The following CC2D2B variants were observed in gnomAD, a reference collection of about 807,000 sequenced individuals.
The protein encoded by CC2D2B is coiled-coil and C2 domain containing 2B.
A neutral mutation model predicts 161.2 loss-of-function variants in CC2D2B; 128 were observed. That is an observed-to-expected ratio of 0.79 (90% CI 0.69 to 0.92). The LOEUF (loss-of-function observed/expected upper bound fraction) is 0.92. CC2D2B is among the 40% of genes least tolerant of loss of function. The probability of loss-of-function intolerance (pLI) is 0.00; values close to 1 mark genes in which losing one functional copy is unlikely to be tolerated. For synonymous variants in CC2D2B, 391 were observed against 449.8 expected (o/e 0.87, Z 1.65); for missense variants, 1,173 against 1,375.1 (o/e 0.85, Z 2.32).
At position 96,012,605 on chromosome 10, in the gene CC2D2B, G is replaced by A. The variant is rs373755580; in HGVS notation, c.3302G>A (p.Arg1101Gln). The A allele has an allele frequency of 2.5e-5, 41 of 1,612,650 alleles. No homozygotes were observed. In the African/African-American group the frequency reaches 2.7e-4, roughly 11 times the overall value. Residue 1101 changes from arginine to glutamine, a missense_variant, in exon 28 of 35, where the codon CGA (arginine) becomes CAA (glutamine). Physicochemically the swap from Arg to Gln is conservative, Grantham distance 43. Around this residue, in one of 3 missense-constraint regions of CC2D2B, gnomAD observed 598 missense variants for 693.2 expected, o/e 0.86. Coordinates refer to ENST00000646931, the MANE Select transcript of CC2D2B (RefSeq NM_001349008.3). ...KKNCKAMFPN[R>Q]RIVTTVFNDE... is the part of the protein sequence containing the mutation. ...AATTGTAAGGCAATGTTTCCCAACC[G>A]AAGAATCGTAACTACTGTTTTTAAT...
At chr10:95,969,659 T>G (rs1461502601) in intron 15 of CC2D2B, among the ~76,000 whole-genome samples, 1 of 152,178 alleles carries the variant, frequency 6.6e-6, no homozygotes, top group Non-Finnish European at 1.5e-5. Flanking sequence ...AGATGTTCTA[T>G]TCATTATTCA....
intron 10 of CC2D2B, among the ~76,000 whole-genome samples, chr10:95,952,979 A>G (rs1046218650): frequency 1.1e-4 from 17 of 152,086 alleles, no homozygotes; most frequent in African/African-American, 4.1e-4. Context: ...TGTTTTTCCA[A>G]TTTGAATTTC....
chr10:95,923,212 G>T (rs1014593208), intron 3 of CC2D2B, among the ~76,000 whole-genome samples: 6 of 152,106 alleles, frequency 3.9e-5, no homozygotes, highest in Non-Finnish European at 7.4e-5. Flanking sequence ...AAAGTGCTGG[G>T]ATTACAGGCG....
In CC2D2B at chr10:96,008,313, T is replaced by C. The variant is rs148526397; in HGVS notation, c.2947-1512T>C. 6.0e-4 allele frequency among the ~76,000 whole-genome samples: 92 copies of C among 152,258 alleles called. 2 individuals are homozygous for C. In the East Asian group the frequency reaches 0.016, roughly 26 times the overall value. Reference sequence around the variant, plus strand: ...AAACATGCATTTCATTGCTTGTTTATATATTCACCTGTTGATGGACATTTA... The same window carrying C: ...AAACATGCATTTCATTGCTTGTTTACATATTCACCTGTTGATGGACATTTA... On this transcript the variant is annotated intron_variant, in intron 25 of 34. Transcript: ENST00000646931.
chr10:96,012,404 C>A, intron 27 of CC2D2B, 37 bp downstream of exon 27: 1 of 699,754 alleles, frequency 1.4e-6, no homozygotes, highest in Non-Finnish European at 2.5e-6. Context: ...TATATACCAT[C>A]AAAGAGGTAT....
chr10:95,992,925 G>C (rs990236185), intron 22 of CC2D2B: 1 of 320,550 alleles, frequency 3.1e-6, no homozygotes, highest in Admixed American at 4.9e-5. Context: ...TGTATATTTT[G>C]AGGGTATTGG....
chr10:95,976,183 C>G (rs1309761837), intron 17 of CC2D2B, among the ~76,000 whole-genome samples: 1 of 152,148 alleles, frequency 6.6e-6, no homozygotes, highest in Non-Finnish European at 1.5e-5. Context: ...AATCCTGAAG[C>G]CCATTTTGGC....
chr10:95,946,140 T>G (rs900294927), intron 9 of CC2D2B, among the ~76,000 whole-genome samples: 5 of 152,240 alleles, frequency 3.3e-5, no homozygotes, highest in Non-Finnish European at 7.3e-5. Context: ...AGGTCACTTC[T>G]ACTTATTTGA....
chr10:95,908,326 T>C (rs2098499749), intron 1 of CC2D2B, among the ~76,000 whole-genome samples: 1 of 152,220 alleles, frequency 6.6e-6, no homozygotes, highest in Admixed American at 6.5e-5. Context: ...GTGCCTACTG[T>C]GTGTGCTGAA....
At chr10:95,913,168 T>C (rs943408325) in intron 2 of CC2D2B, among the ~76,000 whole-genome samples, 1 of 151,856 alleles carries the variant, frequency 6.6e-6, no homozygotes. Context: ...TGAGTTCAAT[T>C]GTTTTAATTT....
intron 26 of CC2D2B, among the ~76,000 whole-genome samples, chr10:96,010,860 G>A (rs1364877327): frequency 6.6e-6 from 1 of 152,054 alleles, no homozygotes; most frequent in African/African-American, 2.4e-5. Context: ...GTTTCTTCCT[G>A]CCTATGTGTC....
At chr10:95,988,186 G>T in intron 19 of CC2D2B, 64 bp from the exon 20 acceptor site, 1 of 537,202 alleles carries the variant, frequency 1.9e-6, no homozygotes, top group Non-Finnish European at 2.8e-6. Flanking sequence ...GATATTTATT[G>T]CAATGTGTCA....
At chr10:95,960,428 A>C (rs1290541798) in intron 11 of CC2D2B, among the ~76,000 whole-genome samples, 1 of 152,204 alleles carries the variant, frequency 6.6e-6, no homozygotes, top group African/African-American at 2.4e-5. Flanking sequence ...AAAAGCATGA[A>C]GAGATATAAG....
At chr10:95,973,625 CA>C (rs1315426585) in intron 16 of CC2D2B, among the ~76,000 whole-genome samples, 1 of 151,882 alleles carries the variant, frequency 6.6e-6, no homozygotes, top group Non-Finnish European at 1.5e-5. Context: ...TTGGGAGGCC[CA>C]GGCAGGTGGA....
intron 30 of CC2D2B, chr10:96,018,713 T>G (rs1564676201): frequency 6.7e-6 from 1 of 149,266 alleles, no homozygotes; most frequent in South Asian, 2.1e-4. Context: ...TCTGGAGCTT[T>G]GGTTTGTTTT....
Position 95,957,460 on chromosome 10 carries a change from A to G in CC2D2B, c.1109+1969A>G, listed in dbSNP as rs184360898. Among the ~76,000 whole-genome samples, 558 of 152,128 alleles carry G rather than the reference A, an allele frequency of 3.7e-3. 3 individuals are homozygous for G. The highest frequency in any genetic ancestry group is 5.4e-3 in the South Asian group (26 of 4,816). On this transcript the variant is annotated intron_variant, in intron 11 of 34. Coordinates refer to ENST00000646931, the MANE Select transcript of CC2D2B (RefSeq NM_001349008.3). ...AGGGAAAATTAGAAAGTGACCACAC[A>G]TACCCAGGGAAAGGCATCAACTCAG... is the stretch of plus-strand genomic sequence containing the variant.
chr10:96,017,061 A>G (rs1420799852), intron 30 of CC2D2B, among the ~76,000 whole-genome samples: 4 of 152,214 alleles, frequency 2.6e-5, no homozygotes, highest in African/African-American at 7.2e-5. Context: ...CTGTAAAAAA[A>G]ACACTTCTCC....
intron 5 of CC2D2B, among the ~76,000 whole-genome samples, chr10:95,925,873 A>G (rs1394025413): frequency 2.0e-5 from 3 of 152,230 alleles, no homozygotes; most frequent in Non-Finnish European, 4.4e-5. Context: ...ACTGCATATC[A>G]TATCATTTCC....
At chr10:95,947,248 G>T (rs1353999940) in intron 9 of CC2D2B, among the ~76,000 whole-genome samples, 1 of 149,322 alleles carries the variant, frequency 6.7e-6, no homozygotes, top group African/African-American at 2.5e-5. Context: ...AAGTAGTCGG[G>T]ATTACAGGGA....
Sources: gnomAD v4.1 joint callset for allele counts (sites outside exome capture counted in the v4.1 genomes callset) on GRCh38, gnomAD v4.1.1 for gene constraint, gnomAD v4.1.1 regional missense constraint, MANE v1.5 for transcripts, NCBI Gene and HGNC (gene_info 2026-07-23, HGNC 2026-07-21) for gene names.